Variants in ELK4 observed in about 807,000 individuals in gnomAD.
ELK4 encodes ETS transcription factor ELK4, also known as ETS domain-containing protein Elk-4.
Under a neutral mutation model 29.6 loss-of-function variants are expected in ELK4, and 16 were observed. The ratio of observed to expected loss-of-function variants is 0.54; its 90% confidence interval spans 0.37 to 0.82. The LOEUF (loss-of-function observed/expected upper bound fraction) is 0.82. Among genes scored for constraint, ELK4 ranks in the 40% least tolerant of loss-of-function variants. ELK4 has a pLI of 0.00. For missense variants in ELK4, 465 were observed against 507.1 expected, an observed-to-expected ratio of 0.92 and a Z score of 0.80; for synonymous variants, 213 against 191.1, an observed-to-expected ratio of 1.11 and a Z score of -0.95.
Position 205,611,038 on chromosome 1 carries a change from C to G in ELK4, c.*5508G>C, listed in dbSNP as rs1380331153. The G allele has an allele frequency of 1.4e-5, 3 of 219,678 alleles. No individual in the cohort carries two copies. Among genetic ancestry groups the G allele is most frequent in the African/African-American group, 6.7e-5 (3 of 44,622 alleles). The allele number at this position is 219,678 out of a possible 1,614,324, so 13.6% of individuals were successfully genotyped here. On this transcript the variant is annotated 3_prime_UTR_variant, in exon 5 of 5. Coordinates refer to ENST00000357992, the MANE Select transcript of ELK4 (RefSeq NM_001973.4). ...GTTTCCTTTAAAATTATGTCAACAA[C>G]AGCATGAATTTCCTGTTTTCTGTAG...
chr1:205,619,496 T>G (rs1474631591), intron 3 of ELK4: 4 of 1,082,718 alleles, frequency 3.7e-6, no homozygotes, highest in Non-Finnish European at 4.5e-6. Flanking sequence ...TAATGAGGTG[T>G]GTGAAAAATC....
chr1:205,631,049 C>T (rs144213362), intron 1 of ELK4, among the ~76,000 whole-genome samples: 21 of 152,352 alleles, frequency 1.4e-4, no homozygotes, highest in South Asian at 4.1e-4. Flanking sequence ...ACTATCCCGC[C>T]CCGAAAGATG....
At chr1:205,630,366 C>T (rs1571510663) in intron 1 of ELK4, among the ~76,000 whole-genome samples, 1 of 152,140 alleles carries the variant, frequency 6.6e-6, no homozygotes, top group Admixed American at 6.5e-5. Flanking sequence ...TTAAATAAAA[C>T]CTTTTCCACC....
At chr1:205,618,001 AAG>A (rs902695120) in intron 4 of ELK4, among the ~76,000 whole-genome samples, 3 of 70,964 alleles carry the variant, frequency 4.2e-5, no homozygotes, top group African/African-American at 8.6e-5. Context: ...GAGAGAGAGC[AAG>A]AGAGAGAGAG....
intron 1 of ELK4, among the ~76,000 whole-genome samples, 162 bp downstream of exon 1, chr1:205,631,470 C>T (rs1670585498): frequency 6.6e-6 from 1 of 150,614 alleles, no homozygotes; most frequent in African/African-American, 2.4e-5. Flanking sequence ...GCCGCGGTGC[C>T]CGGCGGGCCG....
intron 1 of ELK4, among the ~76,000 whole-genome samples, chr1:205,626,451 C>T (rs941860040): frequency 6.6e-6 from 1 of 152,134 alleles, no homozygotes; most frequent in Non-Finnish European, 1.5e-5. Context: ...CCCTTTCTGA[C>T]TGCCCAAGGG....
At chr1:205,625,888 A>T in intron 1 of ELK4, 1 of 679,080 alleles carries the variant, frequency 1.5e-6, no homozygotes. Context: ...CATGTTGGTC[A>T]GGCTGGTCTT....
In ELK4 at chr1:205,616,663, C is replaced by T; in HGVS notation, c.1198-19G>A. 1 of 1,605,444 alleles carries T rather than the reference C, an allele frequency of 6.2e-7. No individual in the cohort carries two copies. Among genetic ancestry groups the T allele is most frequent in the East Asian group, 2.2e-5 (1 of 44,718 alleles). ...AAGGAAACTGAGAAAGAAAACAAAACACATTATCATCCTATTACTCAACCC... is the reference window on the plus strand; with the variant it reads ...AAGGAAACTGAGAAAGAAAACAAAATACATTATCATCCTATTACTCAACCC... On this transcript the variant is annotated intron_variant, in intron 4 of 4. Transcript: ENST00000357992.
rs1390117013 is a variant in ELK4, at chr1:205,631,609, GGCGCGCGGGGCTGACCGCTCACCGACGCC to G, written c.-16_-10+22del. ...GGCTGTGGCCGCGAGATCCCGAGGG[GGCGCGCGGGGCTGACCGCTCACCGACGCC>G]GCGCGCGGGGCTCCCCCTCGGTCTC... On this transcript the variant is annotated splice_donor_variant and splice_donor_5th_base_variant and 5_prime_UTR_variant and intron_variant, in exon 1 of 5. Coordinates refer to ENST00000357992, the MANE Select transcript of ELK4 (RefSeq NM_001973.4). LOFTEE classifies it low-confidence loss of function (5UTR_SPLICE). 8 of 226,716 alleles carry G rather than the reference GGCGCGCGGGGCTGACCGCTCACCGACGCC, an allele frequency of 3.5e-5. No individual in the cohort carries two copies. Among genetic ancestry groups the G allele is most frequent in the East Asian group, 1.6e-4 (1 of 6,072 alleles). 14.0% of individuals were successfully genotyped at this position (226,716 alleles called of 1,614,324 possible). A position where few individuals can be genotyped will look rare whatever the true frequency, so the allele number is the denominator to read the frequency against.
intron 1 of ELK4, among the ~76,000 whole-genome samples, chr1:205,627,885 C>T (rs898917341): frequency 6.6e-5 from 10 of 152,090 alleles, no homozygotes; most frequent in Non-Finnish European, 1.5e-4. Flanking sequence ...CTAAAAGTAA[C>T]GATGGGAAAA....
At position 205,610,793 on chromosome 1, in the gene ELK4, ACATT is replaced by A. The variant is rs982554359; in HGVS notation, c.*5749_*5752del. 3.0e-5 allele frequency: 7 copies of A among 232,286 alleles called. No homozygotes were observed. The highest frequency in any genetic ancestry group is 2.8e-4 in the Admixed American group (5 of 17,746). 14.4% of individuals were successfully genotyped at this position (232,286 alleles called of 1,614,324 possible). A position where few individuals can be genotyped will look rare whatever the true frequency, so the allele number is the denominator to read the frequency against. On this transcript the variant is annotated 3_prime_UTR_variant, in exon 5 of 5. Coordinates refer to ENST00000357992, the MANE Select transcript of ELK4 (RefSeq NM_001973.4). ...TACACGCGCACACACACACACACAC[ACATT>A]CAGTCAATACATCAGTATATATGCA...
rs1482102505 is a variant in ELK4, at chr1:205,610,202, A to T, written c.*6344T>A. 4.3e-6 allele frequency: 1 copy of T among 231,802 alleles called. No individual in the cohort carries two copies. The highest frequency in any genetic ancestry group is 8.5e-6 in the Non-Finnish European group (1 of 117,200). 14.4% of individuals were successfully genotyped at this position (231,802 alleles called of 1,614,324 possible). ...ACCCCATCCAGAAGATCCCAGGCCT[A>T]TGTGAGCATGACTCACAATCCTTGG... On this transcript the variant is annotated 3_prime_UTR_variant, in exon 5 of 5. Transcript: ENST00000357992.
Position 205,620,357 on chromosome 1 carries a change from G to A in ELK4, c.689C>T (p.Ser230Phe). Reference protein sequence around the residue: ...ETIQALETLVSPKLPSLEAPT... With the variant: ...ETIQALETLVFPKLPSLEAPT... ...GGCTTCCAGGGAAGGCAGTTTTGGG[G>A]AAACCAATGTCTCCAAAGCTTGGAT... Residue 230 changes from serine (S) to phenylalanine (F), a missense_variant, in exon 3 of 5, where the codon TCC (serine) becomes TTC (phenylalanine). Around this residue, in one of 2 missense-constraint regions of ELK4, gnomAD observed 385 missense variants for 387.5 expected, o/e 0.99. Coordinates refer to ENST00000357992, the MANE Select transcript of ELK4 (RefSeq NM_001973.4). 1.2e-6 allele frequency: 2 copies of A among 1,614,174 alleles called. No homozygotes were observed. Among genetic ancestry groups the A allele is most frequent in the Non-Finnish European group, 1.7e-6 (2 of 1,180,030 alleles).
At chr1:205,625,560 C>A in intron 1 of ELK4, 1 of 867,600 alleles carries the variant, frequency 1.2e-6, no homozygotes, top group East Asian at 2.4e-5. Context: ...AAAGAAATAC[C>A]CGGACCGGGT....
rs912475622 is a variant in ELK4 at position 205,609,975 on chromosome 1, T to G, written c.*6571A>C. On this transcript the variant is annotated 3_prime_UTR_variant, in exon 5 of 5. Coordinates refer to ENST00000357992, the MANE Select transcript of ELK4 (RefSeq NM_001973.4). ...TTACTTCTCTGACCCTCAATATCCT[T>G]AAGTTGAAATTAAACAAACAAAATA... is the stretch of plus-strand genomic sequence containing the variant. 1 of 229,952 alleles carries G rather than the reference T, an allele frequency of 4.3e-6. No homozygotes were observed. Among genetic ancestry groups the G allele is most frequent in the Non-Finnish European group, 8.6e-6 (1 of 116,038 alleles). The allele number at this position is 229,952 out of a possible 1,614,324, so 14.2% of individuals were successfully genotyped here.
rs1317588788 is a variant in ELK4 at position 205,610,526 on chromosome 1, C to T, written c.*6020G>A. 1 of 229,098 alleles carries T rather than the reference C, an allele frequency of 4.4e-6. No individual in the cohort carries two copies. The highest frequency in any genetic ancestry group is 8.6e-6 in the Non-Finnish European group (1 of 115,616). 14.2% of individuals were successfully genotyped at this position (229,098 alleles called of 1,614,324 possible). A position where few individuals can be genotyped will look rare whatever the true frequency, so the allele number is the denominator to read the frequency against. ...TGTAGAAATTTTAAGAAAGGACATC[C>T]TTATTTGCTCAATAATACATGAACC... is the stretch of plus-strand genomic sequence containing the variant. On this transcript the variant is annotated 3_prime_UTR_variant, in exon 5 of 5. Coordinates refer to ENST00000357992, the MANE Select transcript of ELK4 (RefSeq NM_001973.4).
rs776347453 is a variant in ELK4 at position 205,616,511 on chromosome 1, C to T, written c.*35G>A. 19 of 1,567,478 alleles carry T rather than the reference C, an allele frequency of 1.2e-5. No homozygotes were observed. Among genetic ancestry groups the T allele is most frequent in the East Asian group, 4.5e-5 (2 of 44,460 alleles). ...CAATCATGTTGAATGTCTGTTTCTTCGTTCCTCGGTTCTCTCATTCCACAA... is the reference window on the plus strand; with the variant it reads ...CAATCATGTTGAATGTCTGTTTCTTTGTTCCTCGGTTCTCTCATTCCACAA... On this transcript the variant is annotated 3_prime_UTR_variant, in exon 5 of 5. Coordinates refer to ENST00000357992, the MANE Select transcript of ELK4 (RefSeq NM_001973.4).
Position 205,631,901 on chromosome 1 carries a change from C to T in ELK4, c.-279G>A, listed in dbSNP as rs1265818372. ...CGCGGGTCTTGGGGCCGCTACACGC[C>T]GGGCGCGCGCGTTCGGGGCGTTCCT... On this transcript the variant is annotated 5_prime_UTR_variant, in exon 1 of 5. Coordinates refer to ENST00000357992, the MANE Select transcript of ELK4 (RefSeq NM_001973.4). 2.7e-5 allele frequency: 4 copies of T among 149,832 alleles called. No individual in the cohort carries two copies. Among genetic ancestry groups the T allele is most frequent in the Non-Finnish European group, 5.9e-5 (4 of 67,272 alleles). The allele number at this position is 149,832 out of a possible 1,614,324, so 9.3% of individuals were successfully genotyped here. A position where few individuals can be genotyped will look rare whatever the true frequency, so the allele number is the denominator to read the frequency against.
In ELK4 at chr1:205,623,783, T is replaced by C; in HGVS notation, c.100A>G (p.Lys34Glu). Residue 34 changes from lysine to glutamate, a missense_variant, in exon 2 of 5, where the codon AAG becomes GAG. Coordinates refer to ENST00000357992, the MANE Select transcript of ELK4 (RefSeq NM_001973.4). ...GCCACCTCTTCTGCCTGCAAAAGCT[T>C]AAACTGCCCATCATTAGAGGTCCAA... ...ICWTSNDGQF[K>E]LLQAEEVARL... 2 of 1,614,122 alleles carry C rather than the reference T, an allele frequency of 1.2e-6. No individual in the cohort carries two copies. The highest frequency in any genetic ancestry group is 1.1e-5 in the South Asian group (1 of 91,074).
Sources: gnomAD v4.1 joint callset for allele counts (sites outside exome capture counted in the v4.1 genomes callset) on GRCh38, gnomAD v4.1.1 for gene constraint, gnomAD v4.1.1 regional missense constraint, MANE v1.5 for transcripts, NCBI Gene and HGNC (gene_info 2026-07-23, HGNC 2026-07-21) for gene names.